Variants in SPIDR observed in about 807,000 individuals in gnomAD.
The protein encoded by SPIDR is DNA repair-scaffolding protein.
A neutral mutation model predicts 104.6 loss-of-function variants in SPIDR; 93 were observed. The ratio of observed to expected loss-of-function variants is 0.89; its 90% CI spans 0.75 to 1.06. The LOEUF (loss-of-function observed/expected upper bound fraction) is 1.06. Among genes scored for constraint, SPIDR ranks in the 50% least tolerant of loss-of-function variants. The probability of loss-of-function intolerance (pLI) is 0.00; values close to 1 mark genes in which losing one functional copy is unlikely to be tolerated. For missense variants in SPIDR, 1,154 were observed against 1,111.2 expected (o/e 1.04, Z -0.55); for synonymous variants, 431 against 416.9 (o/e 1.03, Z -0.41).
intron 7 of SPIDR, among the ~76,000 whole-genome samples, chr8:47,435,032 G>C (rs2068036128): frequency 6.6e-6 from 1 of 151,620 alleles, no homozygotes; most frequent in Non-Finnish European, 1.5e-5. Context: ...TACTTGACTA[G>C]GGAGGCCAGT....
intron 10 of SPIDR, chr8:47,673,531 C>T: frequency 1.9e-6 from 1 of 538,234 alleles, no homozygotes; most frequent in Non-Finnish European, 3.5e-6. Flanking sequence ...AGTTTCATGC[C>T]TGTGGATGGT....
intron 10 of SPIDR, 55 bp downstream of exon 10, chr8:47,599,251 G>T: frequency 1.3e-6 from 2 of 1,589,588 alleles, no homozygotes; most frequent in Non-Finnish European, 1.7e-6. Context: ...TAGACAGAGT[G>T]CTCTAGAAAG....
At chr8:47,290,960 A>G (rs1295634553) in intron 3 of SPIDR, 73 bp from the exon 4 acceptor site, 3 of 1,142,810 alleles carry the variant, frequency 2.6e-6, no homozygotes, top group Non-Finnish European at 3.7e-6. Flanking sequence ...GCAAAATTAC[A>G]TGCATAAAAT....
chr8:47,583,976 C>A (rs1258333174), intron 8 of SPIDR, among the ~76,000 whole-genome samples: 1 of 152,198 alleles, frequency 6.6e-6, no homozygotes, highest in East Asian at 1.9e-4. Context: ...TCCCCTGTCA[C>A]CGTGTCCGCT....
At chr8:47,575,210 C>A (rs530078800) in intron 8 of SPIDR, among the ~76,000 whole-genome samples, 1 of 152,256 alleles carries the variant, frequency 6.6e-6, no homozygotes, top group African/African-American at 2.4e-5. Context: ...GTCTTGTTTT[C>A]TTTGAAGGTG....
At chr8:47,604,658 A>G (rs545485541) in intron 10 of SPIDR, among the ~76,000 whole-genome samples, 2 of 152,330 alleles carry the variant, frequency 1.3e-5, no homozygotes, top group African/African-American at 4.8e-5. Flanking sequence ...GGAGCAAAGT[A>G]GAAGGGAATG....
chr8:47,609,078 GTCTT>G (rs1244364551), intron 10 of SPIDR, among the ~76,000 whole-genome samples: 1 of 152,204 alleles, frequency 6.6e-6, no homozygotes, highest in African/African-American at 2.4e-5. Flanking sequence ...TTAGAGAAAT[GTCTT>G]TCAAGTCCTT....
chr8:47,439,944 C>T (rs1440627611), intron 7 of SPIDR, among the ~76,000 whole-genome samples: 1 of 152,174 alleles, frequency 6.6e-6, no homozygotes, highest in Non-Finnish European at 1.5e-5. Context: ...GAGGGTCCAT[C>T]CTTAAGAAGA....
intron 8 of SPIDR, among the ~76,000 whole-genome samples, chr8:47,459,750 G>T (rs1456169581): frequency 6.6e-6 from 1 of 151,928 alleles, no homozygotes; most frequent in Non-Finnish European, 1.5e-5. Flanking sequence ...TACTGTTTCA[G>T]ACTTTTTGTT....
At chr8:47,291,330 CA>C (rs1338908435) in intron 4 of SPIDR, among the ~76,000 whole-genome samples, 193 bp downstream of exon 4, 1 of 152,064 alleles carries the variant, frequency 6.6e-6, no homozygotes, top group Non-Finnish European at 1.5e-5. Context: ...AGAATGGCTA[CA>C]ATAAAAAGTA....
chr8:47,449,484 G>A (rs1481031653), intron 8 of SPIDR, among the ~76,000 whole-genome samples: 7 of 152,146 alleles, frequency 4.6e-5, no homozygotes, highest in Admixed American at 4.6e-4. Flanking sequence ...TTTGGTTCCT[G>A]TTTTATATTT....
Position 47,360,744 on chromosome 8 carries a change from A to G in SPIDR, c.526-35632A>G, listed in dbSNP as rs534307221. On this transcript the variant is annotated intron_variant, in intron 5 of 19. Transcript: ENST00000297423. ...TGTTGGCAGCTAGTTCAAATGAAAA[A>G]CAAAACAAAACAAAAAACAGAAGTG... 1.0e-4 allele frequency: 73 copies of G among 715,752 alleles called. No homozygotes were observed. The South Asian group carries it at 4.3e-3, about 42-fold the overall frequency. 44.3% of individuals were successfully genotyped at this position (715,752 alleles called of 1,614,324 possible). A position where few individuals can be genotyped will look rare whatever the true frequency, so the allele number is the denominator to read the frequency against.
intron 7 of SPIDR, among the ~76,000 whole-genome samples, chr8:47,439,042 T>C (rs566418446): frequency 6.6e-6 from 1 of 152,354 alleles, no homozygotes; most frequent in Non-Finnish European, 1.5e-5. Flanking sequence ...ATTTTTGTTG[T>C]TCTCAGTTTA....
At chr8:47,581,574 G>C (rs2059699522) in intron 8 of SPIDR, among the ~76,000 whole-genome samples, 1 of 152,108 alleles carries the variant, frequency 6.6e-6, no homozygotes, top group African/African-American at 2.4e-5. Flanking sequence ...ACAGACAGAA[G>C]ATGCATCTAC....
chr8:47,693,207 G>A (rs538440047), intron 11 of SPIDR, among the ~76,000 whole-genome samples: 1 of 152,096 alleles, frequency 6.6e-6, no homozygotes, highest in Non-Finnish European at 1.5e-5. Context: ...TGTGTATAAG[G>A]GTGACATAAA....
intron 8 of SPIDR, among the ~76,000 whole-genome samples, chr8:47,441,100 G>T (rs970133576): frequency 6.6e-6 from 1 of 152,052 alleles, no homozygotes; most frequent in Non-Finnish European, 1.5e-5. Flanking sequence ...GAGCAGCCTT[G>T]TTTTAAGAGC....
intron 7 of SPIDR, among the ~76,000 whole-genome samples, chr8:47,438,051 G>A (rs1269529951): frequency 6.6e-6 from 1 of 152,222 alleles, no homozygotes. Flanking sequence ...AGGGTCTATG[G>A]GGACTTGAGC....
chr8:47,624,120 C>G (rs1467460324), intron 10 of SPIDR, among the ~76,000 whole-genome samples: 1 of 152,150 alleles, frequency 6.6e-6, no homozygotes, highest in South Asian at 2.1e-4. Flanking sequence ...ACTGAACAAC[C>G]TGCTCCTGAA....
In SPIDR at chr8:47,697,079, A is replaced by C. The variant is rs139947043; in HGVS notation, c.1686-3324A>C. The stretch of plus-strand genomic sequence containing the variant: ...GATGTGGTGCCCCCATCCTTACTCT[A>C]TCTCTCTTGAGGGGTGTCTCCAAGG... On this transcript the variant is annotated intron_variant, in intron 11 of 19. Coordinates refer to ENST00000297423, the MANE Select transcript of SPIDR (RefSeq NM_001080394.4). Among the ~76,000 whole-genome samples the C allele has an allele frequency of 3.3e-5, 5 of 152,070 alleles. No individual in the cohort carries two copies. In the East Asian group the frequency reaches 9.7e-4, roughly 29 times the overall value.
Sources: allele counts gnomAD v4.1 joint callset (sites outside exome capture counted in the v4.1 genomes callset), GRCh38; gene constraint gnomAD v4.1.1; transcripts MANE v1.5; gene names NCBI Gene and HGNC (gene_info 2026-07-23, HGNC 2026-07-21).